Variants in ABCA13 observed in about 807,000 individuals in gnomAD.
The protein encoded by ABCA13 is ATP-binding cassette sub-family A member 13.
ABCA13 carries 476 observed loss-of-function variants against 478.7 expected under a neutral mutation model. The ratio of observed to expected loss-of-function variants is 0.99; its 90% CI spans 0.92 to 1.07. The LOEUF (loss-of-function observed/expected upper bound fraction) is 1.07. Among genes scored for constraint, ABCA13 ranks in the 50% least tolerant of loss-of-function variants. The pLI is 0.00. For synonymous variants in ABCA13, 2,252 were observed against 2,158.9 expected (o/e 1.04, Z -1.20); for missense variants, 6,060 against 5,910.6 (o/e 1.03, Z -0.83).
At chr7:48,352,630 T>C (rs1397952169) in intron 31 of ABCA13, 143 bp downstream of exon 31, 9 of 907,988 alleles carry the variant, frequency 9.9e-6, no homozygotes, top group Non-Finnish European at 1.4e-5. Flanking sequence ...TTTCGTAAGG[T>C]TCATTTTTTT....
rs925659667 is a variant in ABCA13, at chr7:48,362,237, C to T, written c.10689-5557C>T. Among the ~76,000 whole-genome samples the T allele has an allele frequency of 3.3e-5, 5 of 150,106 alleles. No homozygotes were observed. In the South Asian group the frequency reaches 8.3e-4, roughly 25 times the overall value. ...TTATACTCCCTTATTACTTGGTTGTCCTTCTCTCTTTTTCCTGTGGAGTTT... is the reference window on the plus strand; with the variant it reads ...TTATACTCCCTTATTACTTGGTTGTTCTTCTCTCTTTTTCCTGTGGAGTTT... On this transcript the variant is annotated intron_variant, in intron 31 of 61. Transcript: ENST00000435803.
At chr7:48,515,188 A>G (rs1036087683) in intron 51 of ABCA13, among the ~76,000 whole-genome samples, 2 of 152,178 alleles carry the variant, frequency 1.3e-5, no homozygotes, top group Admixed American at 1.3e-4. Flanking sequence ...AGGTTAATCC[A>G]ATTATTCACC....
At chr7:48,361,400 C>CT (rs1810814324) in intron 31 of ABCA13, among the ~76,000 whole-genome samples, 2 of 151,622 alleles carry the variant, frequency 1.3e-5, no homozygotes, top group Non-Finnish European at 2.9e-5. Flanking sequence ...TTTTAACATG[C>CT]TTTTTCCTTA....
At chr7:48,549,096 T>C (rs1016241501) in intron 55 of ABCA13, among the ~76,000 whole-genome samples, 15 of 151,888 alleles carry the variant, frequency 9.9e-5, no homozygotes, top group African/African-American at 3.4e-4. Context: ...GTGCAGAATG[T>C]GCAGGTTTGT....
At chr7:48,578,431 A>G (rs1292918777) in intron 55 of ABCA13, among the ~76,000 whole-genome samples, 1 of 152,194 alleles carries the variant, frequency 6.6e-6, no homozygotes, top group Non-Finnish European at 1.5e-5. Flanking sequence ...TCTACAATGA[A>G]TAATTGGAAT....
intron 47 of ABCA13, among the ~76,000 whole-genome samples, chr7:48,484,021 C>T (rs935598084): frequency 3.3e-5 from 5 of 152,120 alleles, no homozygotes; most frequent in African/African-American, 9.7e-5. Context: ...GCTATGAGAA[C>T]AAGAACAATC....
chr7:48,462,633 C>T (rs1276162824), intron 43 of ABCA13, among the ~76,000 whole-genome samples: 13 of 151,944 alleles, frequency 8.6e-5, no homozygotes, highest in Admixed American at 6.6e-4. Context: ...CTCAGCCTCC[C>T]GAGTAGCTAG....
chr7:48,505,637 C>T (rs1831139498), intron 48 of ABCA13, among the ~76,000 whole-genome samples: 1 of 152,208 alleles, frequency 6.6e-6, no homozygotes, highest in Admixed American at 6.5e-5. Context: ...AATCTGATTA[C>T]TCTCACAGTC....
At chr7:48,232,825 T>C (rs77226363) in intron 7 of ABCA13, among the ~76,000 whole-genome samples, 11,433 of 152,236 alleles carry the variant, frequency 0.075, 523 homozygotes, top group East Asian at 0.19. Flanking sequence ...AGATTAATAG[T>C]TACAGCTCAG....
chr7:48,454,952 A>AG, intron 42 of ABCA13, 85 bp from the exon 43 acceptor site: 1 of 1,411,394 alleles, frequency 7.1e-7, no homozygotes, highest in Non-Finnish European at 9.2e-7. Flanking sequence ...GAGATGCCGC[A>AG]GGGTCACCGA....
Position 48,350,655 on chromosome 7 carries a change from A to T in ABCA13, c.10217A>T (p.Asp3406Val). 3.1e-6 allele frequency: 5 copies of T among 1,613,220 alleles called. No individual in the cohort carries two copies. The highest frequency in any genetic ancestry group is 4.2e-6 in the Non-Finnish European group (5 of 1,179,420). The change falls in exon 30 of 62, where the codon GAT becomes GTT. Residue 3406 changes from aspartate to valine, a missense_variant. This residue lies in a region of ABCA13 where 4,423 missense variants were observed against 4,309.1 expected (regional missense o/e 1.03). Transcript: ENST00000435803. The stretch of plus-strand genomic sequence containing the variant: ...TCACTTTCCTCAGGAGGGCTGCTGG[A>T]TGAGATGTTTAACCATGCAGGCGCT... ...EKLQTYGGLL[D>V]EMFNHAGAGR...
Position 48,272,007 on chromosome 7 carries a change from T to A in ABCA13, c.2341T>A (p.Leu781Ile). Residue 781 changes from leucine to isoleucine, a missense_variant, in exon 17 of 62, where the codon TTA (leucine) becomes ATA (isoleucine). Coordinates refer to ENST00000435803, the MANE Select transcript of ABCA13 (RefSeq NM_152701.5). ...SSLWTNHLKS[L>I]KRDPSATDAQ... The stretch of plus-strand genomic sequence containing the variant: ...TCTGTGGACAAATCATTTAAAAAGT[T>A]TAAAGAGAGACCCATCTGCCACTGA... 2 of 1,613,636 alleles carry A rather than the reference T, an allele frequency of 1.2e-6. No homozygotes were observed. The highest frequency in any genetic ancestry group is 1.7e-6 in the Non-Finnish European group (2 of 1,179,724).
chr7:48,634,276 A>G (rs1794445587), intron 59 of ABCA13, among the ~76,000 whole-genome samples: 4 of 151,982 alleles, frequency 2.6e-5, no homozygotes, highest in Admixed American at 2.6e-4. Context: ...CGTGTGTGTG[A>G]TGTCTTTGGT....
intron 31 of ABCA13, among the ~76,000 whole-genome samples, chr7:48,365,208 T>C (rs535871848): frequency 6.6e-6 from 1 of 152,318 alleles, no homozygotes; most frequent in African/African-American, 2.4e-5. Flanking sequence ...TTTGTGGTCG[T>C]TTATTTTTGA....
At position 48,537,996 on chromosome 7, in the gene ABCA13, T is replaced by C. The variant is rs79028836; in HGVS notation, c.14354+9651T>C. On this transcript the variant is annotated intron_variant, in intron 55 of 61. Coordinates refer to ENST00000435803, the MANE Select transcript of ABCA13 (RefSeq NM_152701.5). ...CTTTGAAGAGAAACTTAGAACTCAC[T>C]GTATTTAACAATGACATATATGATT... 3.7e-4 allele frequency among the ~76,000 whole-genome samples: 57 copies of C among 152,312 alleles called. No homozygotes were observed. In the East Asian group the frequency reaches 0.01, roughly 27 times the overall value.
intron 54 of ABCA13, among the ~76,000 whole-genome samples, chr7:48,525,868 C>G (rs1832859476): frequency 6.6e-6 from 1 of 152,004 alleles, no homozygotes; most frequent in Non-Finnish European, 1.5e-5. Context: ...CATGCATTAG[C>G]TATTTATCCT....
intron 39 of ABCA13, among the ~76,000 whole-genome samples, chr7:48,409,688 GA>G (rs1176266400): frequency 6.6e-6 from 1 of 152,010 alleles, no homozygotes; most frequent in African/African-American, 2.4e-5. Flanking sequence ...TTTTATCACT[GA>G]TTTCTGCCTT....
At chr7:48,391,306 A>G (rs2129055409) in intron 37 of ABCA13, among the ~76,000 whole-genome samples, 1 of 152,330 alleles carries the variant, frequency 6.6e-6, no homozygotes, top group South Asian at 2.1e-4. Flanking sequence ...TTATCATCTT[A>G]AAGTCCCATA....
chr7:48,473,118 AATAAGGGGGAACCACC>A (rs1478235663), intron 45 of ABCA13, among the ~76,000 whole-genome samples: 6 of 152,140 alleles, frequency 3.9e-5, no homozygotes, highest in African/African-American at 1.4e-4. Flanking sequence ...CCATGAGAAC[AATAAGGGGGAACCACC>A]CCCGTGTTCA....
Sources: allele counts gnomAD v4.1 joint callset (sites outside exome capture counted in the v4.1 genomes callset), GRCh38; gene constraint gnomAD v4.1.1; regional missense constraint gnomAD v4.1.1; transcripts MANE v1.5; gene names NCBI Gene and HGNC (gene_info 2026-07-23, HGNC 2026-07-21).